CNTN5: variants seen among roughly 807,000 people sequenced by gnomAD.
CNTN5 encodes the protein contactin 5, also known as contactin-5.
A neutral mutation model predicts 129.1 loss-of-function variants in CNTN5; 77 were observed. The ratio of observed to expected loss-of-function variants is 0.60; its 90% CI spans 0.50 to 0.72. The LOEUF is 0.72. Among genes scored for constraint, CNTN5 ranks in the 30% least tolerant of loss-of-function variants. CNTN5 has a pLI of 0.00. For synonymous variants in CNTN5, 509 were observed against 465.6 expected (o/e 1.09, Z -1.20); for missense variants, 1,478 against 1,328.8 (o/e 1.11, Z -1.75).
At chr11:100,034,620 G>A (rs754942394) in intron 9 of CNTN5, among the ~76,000 whole-genome samples, 8 of 152,260 alleles carry the variant, frequency 5.3e-5, no homozygotes, top group South Asian at 2.1e-4. Context: ...CTGTTTTCAC[G>A]AAACAGGTTT....
intron 2 of CNTN5, among the ~76,000 whole-genome samples, chr11:99,511,198 C>G (rs1029026160): frequency 1.3e-5 from 2 of 152,094 alleles, no homozygotes; most frequent in African/African-American, 4.8e-5. Flanking sequence ...AAATTTCCCT[C>G]TACACACTGC....
At chr11:100,136,457 C>A (rs1946528250) in intron 13 of CNTN5, among the ~76,000 whole-genome samples, 1 of 152,060 alleles carries the variant, frequency 6.6e-6, no homozygotes, top group South Asian at 2.1e-4. Context: ...TGCTCTATTT[C>A]CCTTGAAGAT....
At chr11:99,587,422 G>A (rs1355800963) in intron 3 of CNTN5, among the ~76,000 whole-genome samples, 1 of 152,152 alleles carries the variant, frequency 6.6e-6, no homozygotes, top group Admixed American at 6.5e-5. Context: ...TTCAATAGCA[G>A]GTATCTGCTA....
intron 13 of CNTN5, among the ~76,000 whole-genome samples, chr11:100,082,307 G>T (rs1040821390): frequency 6.6e-6 from 1 of 152,178 alleles, no homozygotes; most frequent in Non-Finnish European, 1.5e-5. Flanking sequence ...ATTGAGATAG[G>T]GTCTCACAAT....
chr11:99,793,287 C>T (rs1280655305), intron 3 of CNTN5, among the ~76,000 whole-genome samples: 3 of 152,158 alleles, frequency 2.0e-5, no homozygotes, highest in Non-Finnish European at 4.4e-5. Flanking sequence ...TCTCCATCTC[C>T]TGACCTCGTG....
chr11:99,030,883 C>A (rs80080012), intron 1 of CNTN5, among the ~76,000 whole-genome samples: 2 of 151,468 alleles, frequency 1.3e-5, no homozygotes, highest in African/African-American at 4.9e-5. Flanking sequence ...CGGGTTCACG[C>A]CATTCTGCTG....
chr11:99,357,110 A>G (rs546139183), intron 2 of CNTN5, among the ~76,000 whole-genome samples: 24 of 151,980 alleles, frequency 1.6e-4, no homozygotes. Context: ...GATAGGTGGC[A>G]AATAAAGAGC....
intron 4 of CNTN5, among the ~76,000 whole-genome samples, chr11:99,831,152 A>G (rs773928749): frequency 6.6e-6 from 1 of 152,178 alleles, no homozygotes; most frequent in African/African-American, 2.4e-5. Flanking sequence ...CTAGGTTCCA[A>G]TACATCTTTA....
At chr11:100,310,829 A>G (rs1015741981) in intron 21 of CNTN5, among the ~76,000 whole-genome samples, 10 of 151,926 alleles carry the variant, frequency 6.6e-5, no homozygotes, top group Non-Finnish European at 1.3e-4. Flanking sequence ...CTGAAGTACT[A>G]GCGTGCTGGA....
At position 99,620,841 on chromosome 11, in the gene CNTN5, CAA is replaced by C. The variant is rs539538551; in HGVS notation, c.55+64574_55+64575del. Among the ~76,000 whole-genome samples the C allele has an allele frequency of 4.0e-3, 609 of 152,110 alleles. 1 individual carries two copies. The highest frequency in any genetic ancestry group is 6.6e-3 in the Non-Finnish European group (448 of 67,986). ...TCAAGATATAAAACTGTGAAATCAT[CAA>C]AGAGTTGAAAGTAAATATACACCAA... On this transcript the variant is annotated intron_variant, in intron 3 of 24. Transcript: ENST00000524871.
chr11:99,117,896 T>C (rs1206138281), intron 1 of CNTN5, among the ~76,000 whole-genome samples: 1 of 152,180 alleles, frequency 6.6e-6, no homozygotes, highest in Non-Finnish European at 1.5e-5. Context: ...CTGTGGGAAA[T>C]AAATGTTGTT....
chr11:99,763,006 G>C (rs1944635250), intron 3 of CNTN5, among the ~76,000 whole-genome samples: 1 of 152,004 alleles, frequency 6.6e-6, no homozygotes, highest in African/African-American at 2.4e-5. Flanking sequence ...TTATTTGATA[G>C]CCCAAATCTA....
chr11:99,894,158 T>G (rs1000403702), intron 6 of CNTN5, among the ~76,000 whole-genome samples: 1 of 152,172 alleles, frequency 6.6e-6, no homozygotes, highest in Non-Finnish European at 1.5e-5. Context: ...TATATAGGTT[T>G]TTCTGGAGCC....
intron 1 of CNTN5, among the ~76,000 whole-genome samples, chr11:99,078,447 A>G (rs1353347316): frequency 6.6e-6 from 1 of 152,222 alleles, no homozygotes; most frequent in Non-Finnish European, 1.5e-5. Flanking sequence ...CAAAGAAAGG[A>G]AATCAGTATA....
At chr11:99,769,682 T>A (rs1478384179) in intron 3 of CNTN5, among the ~76,000 whole-genome samples, 1 of 151,898 alleles carries the variant, frequency 6.6e-6, no homozygotes, top group Admixed American at 6.6e-5. Flanking sequence ...GGTGTGGTGG[T>A]GCTTGCCTGT....
intron 3 of CNTN5, among the ~76,000 whole-genome samples, chr11:99,729,278 A>C (rs751334381): frequency 6.6e-6 from 1 of 152,080 alleles, no homozygotes; most frequent in African/African-American, 2.4e-5. Flanking sequence ...GGAAAATTCA[A>C]TGCTCACTAT....
intron 3 of CNTN5, among the ~76,000 whole-genome samples, chr11:99,818,116 A>G (rs978953158): frequency 1.3e-5 from 2 of 152,348 alleles, no homozygotes; most frequent in Admixed American, 6.5e-5. Flanking sequence ...TTTGCATTCT[A>G]AAATATCTCT....
At chr11:99,471,330 G>C (rs751552948) in intron 2 of CNTN5, among the ~76,000 whole-genome samples, 1 of 151,852 alleles carries the variant, frequency 6.6e-6, no homozygotes, top group Non-Finnish European at 1.5e-5. Context: ...TGGAATCACA[G>C]GTATGTTTTA....
At chr11:99,615,294 C>G (rs1186017184) in intron 3 of CNTN5, among the ~76,000 whole-genome samples, 1 of 151,914 alleles carries the variant, frequency 6.6e-6, no homozygotes, top group Admixed American at 6.6e-5. Flanking sequence ...TTGGACTTCT[C>G]TAAACTGACT....
Sources: gnomAD v4.1 joint callset for allele counts (sites outside exome capture counted in the v4.1 genomes callset) on GRCh38, gnomAD v4.1.1 for gene constraint, MANE v1.5 for transcripts, NCBI Gene and HGNC (gene_info 2026-07-23, HGNC 2026-07-21) for gene names.